The following TAPT1 variants were observed in gnomAD, a reference collection of about 807,000 sequenced individuals.
TAPT1 encodes the protein transmembrane anterior posterior transformation protein 1 homolog.
A neutral mutation model predicts 65.6 loss-of-function variants in TAPT1; 28 were observed. The observed-to-expected ratio is 0.43, with a 90% confidence interval of 0.32 to 0.59. The LOEUF (loss-of-function observed/expected upper bound fraction) is 0.59, where lower values mean the gene tolerates loss of function less well. Ranked by LOEUF, TAPT1 falls within the 20% of genes least tolerant of loss-of-function variation. The probability of loss-of-function intolerance (pLI) is 0.09; values close to 1 mark genes in which losing one functional copy is unlikely to be tolerated. For synonymous variants in TAPT1, 278 were observed against 245.2 expected, an observed-to-expected ratio of 1.13 and a Z score of -1.25; for missense variants, 563 against 679.9, an observed-to-expected ratio of 0.83 and a Z score of 1.91.
At chr4:16,165,502 G>A (rs976044004) in intron 13 of TAPT1, among the ~76,000 whole-genome samples, 8 of 149,360 alleles carry the variant, frequency 5.4e-5, no homozygotes, top group Admixed American at 1.3e-4. Context: ...CCTGGGAGGC[G>A]AAGCTTGCAG....
intron 3 of TAPT1, among the ~76,000 whole-genome samples, chr4:16,193,715 C>T (rs1749523059): frequency 6.6e-6 from 1 of 152,194 alleles, no homozygotes; most frequent in Non-Finnish European, 1.5e-5. Flanking sequence ...GTGTGACTGT[C>T]TCCACTTGGG....
In TAPT1 at chr4:16,174,209, C is replaced by T. The variant is rs1242133110; in HGVS notation, c.1231G>A (p.Val411Ile). ...RMGFIPLPLA[V>I]LLIRVVTSSI... ...ATTAAAAAGTATGCACTTACTAAAA[C>T]AGCTAGTGGGAGAGGAATAAAGCCC... The change falls in exon 11 of 14, where the codon GTT becomes ATT. Residue 411 changes from valine (V) to isoleucine (I), a missense_variant. Val to Ile is a conservative substitution (Grantham distance 29, BLOSUM62 3). This residue lies in a region of TAPT1 where 104 missense variants were observed against 102.5 expected (regional missense o/e 1.01). Transcript: ENST00000405303. 6.2e-7 allele frequency: 1 copy of T among 1,604,194 alleles called. No individual in the cohort carries two copies. The highest frequency in any genetic ancestry group is 1.7e-5 in the Admixed American group (1 of 59,008).
At chr4:16,210,473 TCTCA>T (rs200896706) in intron 2 of TAPT1, among the ~76,000 whole-genome samples, 4,848 of 152,316 alleles carry the variant, frequency 0.032, 119 homozygotes, top group Non-Finnish European at 0.047. Context: ...TTTAAATTCC[TCTCA>T]CTCTAGCAGA....
At chr4:16,183,337 C>A (rs1435605616) in intron 7 of TAPT1, among the ~76,000 whole-genome samples, 1 of 152,018 alleles carries the variant, frequency 6.6e-6, no homozygotes, top group Non-Finnish European at 1.5e-5. Context: ...AAGTAGTAAC[C>A]ATTTTAAGCC....
intron 2 of TAPT1, among the ~76,000 whole-genome samples, chr4:16,204,317 T>G (rs112322467): frequency 4.6e-5 from 7 of 152,296 alleles, no homozygotes; most frequent in African/African-American, 1.7e-4. Context: ...ACAGTTCAGC[T>G]CAAACTGACT....
chr4:16,220,769 T>C (rs567377135), intron 1 of TAPT1, among the ~76,000 whole-genome samples: 22 of 151,420 alleles, frequency 1.5e-4, no homozygotes, highest in Non-Finnish European at 2.7e-4. Context: ...AAAAGAAACA[T>C]TTTACTATTA....
chr4:16,206,684 T>A (rs950757304), intron 2 of TAPT1, among the ~76,000 whole-genome samples: 3 of 152,028 alleles, frequency 2.0e-5, no homozygotes, highest in Admixed American at 2.0e-4. Flanking sequence ...GAGCCATCAG[T>A]GTGAATGATC....
intron 12 of TAPT1, among the ~76,000 whole-genome samples, chr4:16,167,269 G>T (rs2149665553): frequency 6.6e-6 from 1 of 152,218 alleles, no homozygotes; most frequent in Middle Eastern, 3.4e-3. Flanking sequence ...GGGATTACAG[G>T]TGTGAGCCAC....
chr4:16,201,494 G>A (rs1292723148), intron 3 of TAPT1, among the ~76,000 whole-genome samples: 2 of 152,178 alleles, frequency 1.3e-5, no homozygotes, highest in African/African-American at 4.8e-5. Flanking sequence ...ATGCATGTCA[G>A]AAATGTAACC....
At position 16,170,646 on chromosome 4, in the gene TAPT1, ATCT is replaced by A; in HGVS notation, c.1313+4_1313+6del. The A allele has an allele frequency of 6.2e-7, 1 of 1,606,190 alleles. No individual in the cohort carries two copies. Among genetic ancestry groups the A allele is most frequent in the Non-Finnish European group, 8.5e-7 (1 of 1,173,062 alleles). On this transcript the variant is annotated splice_donor_5th_base_variant and intron_variant, in intron 12 of 13. Transcript: ENST00000405303. ...ATAGCCAAAAACATATTCAAGAATA[ATCT>A]TACCCAAAATAGAAGAGTATGACAC...
intron 12 of TAPT1, among the ~76,000 whole-genome samples, chr4:16,168,911 G>A (rs1021388092): frequency 6.6e-6 from 1 of 152,262 alleles, no homozygotes; most frequent in Non-Finnish European, 1.5e-5. Flanking sequence ...TGGCAAGAGT[G>A]AGTCTGGAGG....
chr4:16,212,964 G>A (rs745854843), intron 2 of TAPT1, among the ~76,000 whole-genome samples: 1 of 152,152 alleles, frequency 6.6e-6, no homozygotes, highest in Admixed American at 6.5e-5. Context: ...TTACTACAAT[G>A]TACCAATAAA....
chr4:16,165,864 C>T (rs1484335694), intron 13 of TAPT1, among the ~76,000 whole-genome samples: 1 of 152,162 alleles, frequency 6.6e-6, no homozygotes, highest in Non-Finnish European at 1.5e-5. Context: ...CTCTCTGGTC[C>T]CTACCTCTGG....
intron 12 of TAPT1, among the ~76,000 whole-genome samples, chr4:16,167,827 T>C (rs1444913115): frequency 3.9e-5 from 6 of 152,222 alleles, no homozygotes; most frequent in Non-Finnish European, 7.3e-5. Flanking sequence ...AATGGCCTTA[T>C]AACATCACTA....
chr4:16,226,140 GC>G (rs1751541758), intron 1 of TAPT1, 118 bp downstream of exon 1: 2 of 1,002,856 alleles, frequency 2.0e-6, no homozygotes, highest in East Asian at 7.3e-5. Context: ...AGCCTGGGGA[GC>G]CCCGGGAGGC....
intron 5 of TAPT1, 90 bp from the exon 6 acceptor site, chr4:16,186,968 CTT>C (rs1275752958): frequency 1.4e-6 from 1 of 695,676 alleles, no homozygotes; most frequent in African/African-American, 1.8e-5. Context: ...ATAAAGATGA[CTT>C]TCTTTTCTAA....
At chr4:16,166,431 G>A (rs1253751582) in intron 13 of TAPT1, among the ~76,000 whole-genome samples, 1 of 152,230 alleles carries the variant, frequency 6.6e-6, no homozygotes, top group Non-Finnish European at 1.5e-5. Context: ...GATGCTCAAT[G>A]TTGAACAGCG....
chr4:16,175,194 C>T (rs1748247210), intron 9 of TAPT1, among the ~76,000 whole-genome samples: 1 of 152,040 alleles, frequency 6.6e-6, no homozygotes, highest in Admixed American at 6.5e-5. Context: ...TGTGAATGAT[C>T]ATTACCACTA....
intron 13 of TAPT1, among the ~76,000 whole-genome samples, chr4:16,164,475 G>GA (rs1431452193): frequency 6.6e-6 from 1 of 152,180 alleles, no homozygotes; most frequent in East Asian, 1.9e-4. Context: ...TCGTCATCCT[G>GA]AATGTACTTC....
Sources: gnomAD v4.1 joint callset for allele counts (sites outside exome capture counted in the v4.1 genomes callset) on GRCh38, gnomAD v4.1.1 for gene constraint, gnomAD v4.1.1 regional missense constraint, MANE v1.5 for transcripts, NCBI Gene and HGNC (gene_info 2026-07-23, HGNC 2026-07-21) for gene names.